NEDD1: variants seen among roughly 807,000 people sequenced by gnomAD.
NEDD1 encodes the protein NEDD1 gamma-tubulin ring complex targeting factor.
In NEDD1, 33 loss-of-function variants were observed where a neutral mutation model predicts 74.0. The observed-to-expected ratio is 0.45, with a 90% CI of 0.34 to 0.60. The LOEUF (loss-of-function observed/expected upper bound fraction) is 0.60, where lower values mean the gene tolerates loss of function less well. Among genes scored for constraint, NEDD1 ranks in the 20% least tolerant of loss-of-function variants. The probability of loss-of-function intolerance (pLI) is 0.01; values close to 1 mark genes in which losing one functional copy is unlikely to be tolerated. For missense variants in NEDD1, 746 were observed against 776.5 expected, an observed-to-expected ratio of 0.96 and a Z score of 0.47; for synonymous variants, 250 against 264.4, an observed-to-expected ratio of 0.95 and a Z score of 0.53.
In NEDD1 at chr12:96,951,169, GGTTAA is replaced by G. The variant is rs553884703; in HGVS notation, c.1812-258_1812-254del. On this transcript the variant is annotated intron_variant, in intron 14 of 15. Transcript: ENST00000266742. ...ACTTTGAACAAGTTATATCTACTCT[GGTTAA>G]GTTATTTCTTTTGTAAAATGGACCT... is the stretch of plus-strand genomic sequence containing the variant. Among the ~76,000 whole-genome samples the G allele has an allele frequency of 5.0e-3, 752 of 151,818 alleles. 5 individuals carry two copies. Among genetic ancestry groups the G allele is most frequent in the Non-Finnish European group, 8.3e-3 (560 of 67,708 alleles).
chr12:96,940,455 C>T lies in NEDD1; in HGVS notation c.1164C>T (p.Asp388=). ...CAGACACTTTATCTAAGGAAACAGA[C>T]AGTGGAAAAAATCAGGATTTCTCCA... ...INTDTLSKET[D]SGKNQDFSSF... Residue 388 remains aspartate, a synonymous_variant, in exon 10 of 16, where the codon GAC becomes GAT. Coordinates refer to ENST00000266742, the MANE Select transcript of NEDD1 (RefSeq NM_152905.4). The T allele has an allele frequency of 6.2e-7, 1 of 1,602,270 alleles. No individual in the cohort carries two copies. The highest frequency in any genetic ancestry group is 8.5e-7 in the Non-Finnish European group (1 of 1,170,336).
intron 6 of NEDD1, among the ~76,000 whole-genome samples, chr12:96,932,251 C>G (rs1023426684): frequency 5.4e-5 from 8 of 149,262 alleles, no homozygotes; most frequent in Admixed American, 4.7e-4. Context: ...TAGTCTGGAA[C>G]AAGATAGGGA....
chr12:96,935,485 A>G (rs935210218), intron 7 of NEDD1, among the ~76,000 whole-genome samples: 1 of 152,228 alleles, frequency 6.6e-6, no homozygotes, highest in Non-Finnish European at 1.5e-5. Context: ...GATAAAATGC[A>G]TATGTTTTTA....
intron 2 of NEDD1, among the ~76,000 whole-genome samples, chr12:96,909,123 C>T (rs1308811237): frequency 6.7e-5 from 10 of 150,280 alleles, no homozygotes; most frequent in Non-Finnish European, 1.0e-4. Context: ...TTGTGGTGAG[C>T]CGAGATCACA....
At position 96,940,552 on chromosome 12, in the gene NEDD1, A is replaced by AG. The variant is rs1233617837; in HGVS notation, c.1246+17dup. On this transcript the variant is annotated intron_variant, in intron 10 of 15. Coordinates refer to ENST00000266742, the MANE Select transcript of NEDD1 (RefSeq NM_152905.4). ...TATCAGAGATGGTAAGTCTGTTCAG[A>AG]GGATCCTGTTCTCTTGCTGGTAGTT... 2 of 1,578,680 alleles carry AG rather than the reference A, an allele frequency of 1.3e-6. No individual in the cohort carries two copies. The highest frequency in any genetic ancestry group is 3.5e-5 in the Admixed American group (2 of 57,602).
At chr12:96,908,048 C>T (rs1217684779) in intron 2 of NEDD1, among the ~76,000 whole-genome samples, 192 bp downstream of exon 2, 1 of 152,218 alleles carries the variant, frequency 6.6e-6, no homozygotes. Context: ...TTAGACACAG[C>T]TTGCAGTTGT....
chr12:96,923,312 A>G (rs927710900), intron 6 of NEDD1, among the ~76,000 whole-genome samples: 1 of 151,946 alleles, frequency 6.6e-6, no homozygotes, highest in Non-Finnish European at 1.5e-5. Flanking sequence ...CAAGGTAGCT[A>G]CTGTGAATAT....
rs1878009867 is a variant in NEDD1, at chr12:96,944,629, A to T, written c.1498-10A>T. On this transcript the variant is annotated splice_polypyrimidine_tract_variant and intron_variant, in intron 12 of 15. Coordinates refer to ENST00000266742, the MANE Select transcript of NEDD1 (RefSeq NM_152905.4). ...GTATATTAAAGTCATTATTTATTTT[A>T]AATATAAAGTTAGCAAAGTTGGTCA... is the stretch of plus-strand genomic sequence containing the variant. The T allele has an allele frequency of 1.2e-5, 19 of 1,527,504 alleles. No individual in the cohort carries two copies. Among genetic ancestry groups the T allele is most frequent in the Non-Finnish European group, 1.6e-5 (18 of 1,121,186 alleles). 94.6% of individuals were successfully genotyped at this position (1,527,504 alleles called of 1,614,324 possible).
intron 14 of NEDD1, among the ~76,000 whole-genome samples, chr12:96,949,282 T>C (rs1047994763): frequency 2.0e-5 from 3 of 152,190 alleles, no homozygotes; most frequent in African/African-American, 7.2e-5. Flanking sequence ...TTGTTTTCAA[T>C]ACAGTTTTTA....
At chr12:96,910,247 T>G (rs1873777622) in intron 3 of NEDD1, among the ~76,000 whole-genome samples, 1 of 152,272 alleles carries the variant, frequency 6.6e-6, no homozygotes, top group Admixed American at 6.5e-5. Flanking sequence ...TCCAAAAGGT[T>G]TTGGAATGAG....
At chr12:96,911,003 C>G (rs1357948590) in intron 3 of NEDD1, among the ~76,000 whole-genome samples, 4 of 152,104 alleles carry the variant, frequency 2.6e-5, no homozygotes, top group African/African-American at 7.2e-5. Flanking sequence ...GACAAATTTT[C>G]TTACTGAATT....
intron 14 of NEDD1, among the ~76,000 whole-genome samples, chr12:96,949,139 C>T (rs1283343550): frequency 6.6e-6 from 1 of 152,194 alleles, no homozygotes; most frequent in Non-Finnish European, 1.5e-5. Context: ...CTTCTCCACA[C>T]TGTGGAATCA....
chr12:96,950,666 A>C (rs930510285), intron 14 of NEDD1, among the ~76,000 whole-genome samples: 1 of 151,968 alleles, frequency 6.6e-6, no homozygotes, highest in African/African-American at 2.4e-5. Flanking sequence ...TGTTATACAA[A>C]TGTATTAAAA....
At chr12:96,911,596 T>TA (rs1444223549) in intron 3 of NEDD1, among the ~76,000 whole-genome samples, 1 of 152,204 alleles carries the variant, frequency 6.6e-6, no homozygotes, top group Non-Finnish European at 1.5e-5. Flanking sequence ...TCCTTTAACT[T>TA]ACGTTCCTCA....
chr12:96,930,975 A>G (rs923867252), intron 6 of NEDD1, among the ~76,000 whole-genome samples: 6 of 152,154 alleles, frequency 3.9e-5, no homozygotes, highest in African/African-American at 1.4e-4. Flanking sequence ...TCAGGTTTGA[A>G]GATGTTAGTT....
At chr12:96,950,700 A>G (rs1265898598) in intron 14 of NEDD1, among the ~76,000 whole-genome samples, 1 of 151,970 alleles carries the variant, frequency 6.6e-6, no homozygotes. Context: ...TCTTTGTCCA[A>G]CAAAATTCAG....
rs113164146 is a variant in NEDD1 at position 96,945,695 on chromosome 12, C to G, written c.1657C>G (p.Pro553Ala). Residue 553 changes from proline (P) to alanine (A), a missense_variant and splice_region_variant, in exon 14 of 16, where the codon CCA becomes GCA. By Grantham distance (27) the Pro-to-Ala change is conservative. Coordinates refer to ENST00000266742, the MANE Select transcript of NEDD1 (RefSeq NM_152905.4). ...PPINGSSTPN[P>A]KIASSVTAGV... is the part of the protein sequence containing the mutation. ...ATTTTCTTCATTCTTTATTTTAGAT[C>G]CAAAGATAGCATCTTCTGTCACTGC... 1,200 of 1,575,410 alleles carry G rather than the reference C, an allele frequency of 7.6e-4. 6 individuals are homozygous for G. The African/African-American group carries it at 0.015, about 19-fold the overall frequency.
At chr12:96,920,785 A>C (rs754504506) in intron 6 of NEDD1, among the ~76,000 whole-genome samples, 2 of 152,148 alleles carry the variant, frequency 1.3e-5, no homozygotes, top group Non-Finnish European at 2.9e-5. Context: ...ATTTTTACTT[A>C]ATTGTAATCT....
At chr12:96,910,188 A>AATTTCTT (rs1873770123) in intron 3 of NEDD1, among the ~76,000 whole-genome samples, 1 of 151,792 alleles carries the variant, frequency 6.6e-6, no homozygotes, top group African/African-American at 2.4e-5. Context: ...AGTTATCAAA[A>AATTTCTT]ATTTCTTATT....
Sources: gnomAD v4.1 joint callset for allele counts (sites outside exome capture counted in the v4.1 genomes callset) on GRCh38, gnomAD v4.1.1 for gene constraint, MANE v1.5 for transcripts, NCBI Gene and HGNC (gene_info 2026-07-23, HGNC 2026-07-21) for gene names.